Variants in NDUFV1 observed in about 807,000 individuals in gnomAD.
NDUFV1 encodes NADH dehydrogenase [ubiquinone] flavoprotein 1, mitochondrial.
NDUFV1 carries 41 observed loss-of-function variants against 48.7 expected under a neutral mutation model. The observed-to-expected ratio is 0.84, with a 90% confidence interval of 0.66 to 1.09. The LOEUF is 1.09. Among genes scored for constraint, NDUFV1 ranks in the 50% least tolerant of loss-of-function variants. The pLI is 0.00. For missense variants in NDUFV1, 580 were observed against 645.4 expected, an observed-to-expected ratio of 0.90 and a Z score of 1.10; for synonymous variants, 231 against 259.1, an observed-to-expected ratio of 0.89 and a Z score of 1.04.
In NDUFV1 at chr11:67,612,523, T is replaced by C. The variant is rs1481277657; in HGVS notation, c.*65T>C. The C allele has an allele frequency of 2.0e-6, 3 of 1,527,160 alleles. No homozygotes were observed. Among genetic ancestry groups the C allele is most frequent in the Middle Eastern group, 2.3e-4 (1 of 4,338 alleles). 94.6% of individuals were successfully genotyped at this position (1,527,160 alleles called of 1,614,324 possible). On this transcript the variant is annotated 3_prime_UTR_variant, in exon 10 of 10. Coordinates refer to ENST00000322776, the MANE Select transcript of NDUFV1 (RefSeq NM_007103.4). The surrounding 1 kb of genome is among the most constrained non-coding windows in gnomAD (Gnocchi z 4.4). Reference sequence around the variant, plus strand: ...GAATGCTGGACAATAAAGCGAGTGCTGCCCACCCTCCAGCTGCCGCTGCTG... The same window carrying C: ...GAATGCTGGACAATAAAGCGAGTGCCGCCCACCCTCCAGCTGCCGCTGCTG...
intron 5 of NDUFV1, 102 bp downstream of exon 5, chr11:67,610,672 G>T: frequency 6.8e-7 from 1 of 1,478,100 alleles, no homozygotes. Context: ...GTGGCTTCCC[G>T]GCTGGGGCCA....
At position 67,612,339 on chromosome 11, in the gene NDUFV1, C is replaced by T; in HGVS notation, c.1309-33C>T. On this transcript the variant is annotated intron_variant, in intron 9 of 9. Transcript: ENST00000322776. This position sits in a 1 kb window ranked among gnomAD's most constrained non-coding sequence, Gnocchi z 4.4. ...CCCAGGGTGTTGGGGGATTTTTGGA[C>T]TCTGTTTCACATGGTCCCCCCACCG... The T allele has an allele frequency of 6.2e-7, 1 of 1,613,834 alleles. No individual in the cohort carries two copies. Among genetic ancestry groups the T allele is most frequent in the Non-Finnish European group, 8.5e-7 (1 of 1,179,898 alleles).
At chr11:67,608,523 C>T in intron 2 of NDUFV1, 29 bp from the exon 3 acceptor site, 1 of 1,614,172 alleles carries the variant, frequency 6.2e-7, no homozygotes, top group South Asian at 1.1e-5. Context: ...GCAAGGTGTC[C>T]CCTTCATTGC....
At chr11:67,608,215 G>A in intron 1 of NDUFV1, 181 bp from the exon 2 acceptor site, 1 of 601,036 alleles carries the variant, frequency 1.7e-6, no homozygotes. Flanking sequence ...AAAAGAGCAA[G>A]AGTCTGTCTC....
intron 5 of NDUFV1, 50 bp downstream of exon 5, chr11:67,610,620 A>G: frequency 6.2e-7 from 1 of 1,601,946 alleles, no homozygotes; most frequent in Non-Finnish European, 8.5e-7. Flanking sequence ...GACACCCGGG[A>G]TCTGGCTAGG....
At chr11:67,607,973 TC>T (rs1308787381) in intron 1 of NDUFV1, among the ~76,000 whole-genome samples, 1 of 152,198 alleles carries the variant, frequency 6.6e-6, no homozygotes, top group Non-Finnish European at 1.5e-5. Flanking sequence ...ACGCCTGTAA[TC>T]CCAGCACTTT....
intron 1 of NDUFV1, among the ~76,000 whole-genome samples, chr11:67,607,864 C>T (rs75750489): frequency 0.027 from 4,121 of 152,294 alleles, 203 homozygotes; most frequent in African/African-American, 0.094. Flanking sequence ...TCGTTCCTAT[C>T]AGAGTTCTTA....
rs759006354 is a variant in NDUFV1, at chr11:67,608,572, G to A, written c.176G>A (p.Arg59Gln). The A allele has an allele frequency of 2.5e-6, 4 of 1,614,168 alleles. No individual in the cohort carries two copies. The highest frequency in any genetic ancestry group is 1.1e-5 in the South Asian group (1 of 91,084). The part of the protein sequence containing the change: ...HDWRLKGSLS[R>Q]GDWYKTKEIL... ...TCCAGGCTGAAAGGTTCCCTGAGTC[G>A]AGGTGACTGGTACAAGACAAAGGAG... Residue 59 changes from arginine to glutamine, a missense_variant, in exon 3 of 10, where the codon CGA becomes CAA. Transcript: ENST00000322776.
Position 67,609,474 on chromosome 11 carries a change from G to T in NDUFV1, c.349G>T (p.Ala117Ser). ...DGRPKYLVVNADEGEPGTCKD... is the reference protein window; with the variant it reads ...DGRPKYLVVNSDEGEPGTCKD... Reference sequence around the variant, plus strand: ...CAGGCCCAAGTATCTGGTGGTGAACGCAGACGAGGGGGAGCCGGGCACCTG... The same window carrying T: ...CAGGCCCAAGTATCTGGTGGTGAACTCAGACGAGGGGGAGCCGGGCACCTG... Residue 117 changes from alanine to serine, a missense_variant, in exon 4 of 10, where the codon GCA becomes TCA. Coordinates refer to ENST00000322776, the MANE Select transcript of NDUFV1 (RefSeq NM_007103.4). 2 of 1,613,550 alleles carry T rather than the reference G, an allele frequency of 1.2e-6. No homozygotes were observed. Among genetic ancestry groups the T allele is most frequent in the South Asian group, 2.2e-5 (2 of 91,086 alleles).
rs751799055 is a variant in NDUFV1 at position 67,611,444 on chromosome 11, C to G, written c.955C>G (p.Pro319Ala). 4.6e-5 allele frequency: 74 copies of G among 1,614,010 alleles called. No homozygotes were observed. The highest frequency in any genetic ancestry group is 6.1e-5 in the Non-Finnish European group (72 of 1,180,030). ...GGWDNLLAVI[P>A]GGSSTPLIPK... is the part of the protein sequence containing the mutation. The stretch of plus-strand genomic sequence containing the variant: ...CTGGGACAACCTCCTTGCTGTGATC[C>G]CTGGCGGCTCGTCTACCCCACTGAT... Residue 319 changes from proline (P) to alanine (A), a missense_variant, in exon 7 of 10, where the codon CCT becomes GCT. Transcript: ENST00000322776. The surrounding 1 kb of genome is among the most constrained non-coding windows in gnomAD (Gnocchi z 4.2).
chr11:67,609,354 G>A (rs1591109707), intron 3 of NDUFV1, 98 bp from the exon 4 acceptor site: 1 of 1,287,464 alleles, frequency 7.8e-7, no homozygotes, highest in East Asian at 2.3e-5. Flanking sequence ...TGTCAGAGGA[G>A]ACATCTTTGA....
chr11:67,607,141 C>A, intron 1 of NDUFV1, 65 bp downstream of exon 1: 1 of 1,521,436 alleles, frequency 6.6e-7, no homozygotes, highest in Non-Finnish European at 8.9e-7. Context: ...CGCCCGTGCA[C>A]GAGCAGTCCC....
intron 3 of NDUFV1, among the ~76,000 whole-genome samples, 158 bp downstream of exon 3, chr11:67,608,880 T>C (rs189057734): frequency 6.6e-6 from 1 of 152,194 alleles, no homozygotes; most frequent in Non-Finnish European, 1.5e-5. Context: ...TCTGTGGACT[T>C]CCACAGGGGA....
At position 67,610,427 on chromosome 11, in the gene NDUFV1, C is replaced by G; in HGVS notation, c.557C>G (p.Ala186Gly). ...GAGGCAGGTCTGATTGGCAAGAATGCTTGTGGCTCTGGCTATGATTTTGAC... is the reference window on the plus strand; with the variant it reads ...GAGGCAGGTCTGATTGGCAAGAATGGTTGTGGCTCTGGCTATGATTTTGAC... Reference protein sequence around the residue: ...AYEAGLIGKNACGSGYDFDVF... With the variant: ...AYEAGLIGKNGCGSGYDFDVF... The change falls in exon 5 of 10, where the codon GCT (alanine) becomes GGT (glycine). Residue 186 changes from alanine (A) to glycine (G), a missense_variant. By Grantham distance (60) the Ala-to-Gly change is moderately conservative. Transcript: ENST00000322776. The G allele has an allele frequency of 6.2e-7, 1 of 1,614,168 alleles. No individual in the cohort carries two copies. Among genetic ancestry groups the G allele is most frequent in the Non-Finnish European group, 8.5e-7 (1 of 1,180,028 alleles).
At position 67,611,756 on chromosome 11, in the gene NDUFV1, G is replaced by C; in HGVS notation, c.1081-141G>C. On this transcript the variant is annotated intron_variant, in intron 7 of 9. Transcript: ENST00000322776. The surrounding 1 kb of genome is among the most constrained non-coding windows in gnomAD (Gnocchi z 4.2). ...CCCCGGAGTCTGGGCAGCACAGGGGGCCCAGGGAGGCTGGAGGAGGCCAGA... is the reference window on the plus strand; with the variant it reads ...CCCCGGAGTCTGGGCAGCACAGGGGCCCCAGGGAGGCTGGAGGAGGCCAGA... 7.3e-7 allele frequency: 1 copy of C among 1,376,380 alleles called. No homozygotes were observed. The highest frequency in any genetic ancestry group is 1.0e-6 in the Non-Finnish European group (1 of 990,722). The allele number at this position is 1,376,380 out of a possible 1,614,324, so 85.3% of individuals were successfully genotyped here.
At chr11:67,607,167 C>T (rs1381051781) in intron 1 of NDUFV1, 91 bp downstream of exon 1, 6 of 1,377,164 alleles carry the variant, frequency 4.4e-6, no homozygotes, top group Non-Finnish European at 5.0e-6. Flanking sequence ...TCTGTAGTGG[C>T]CTCTGGAGAG....
In NDUFV1 at chr11:67,611,585, C is replaced by T. The variant is rs761998784; in HGVS notation, c.1080+16C>T. Reference sequence around the variant, plus strand: ...GGACCGCTCGGTAAGGGTTCACACACCAGCCCTGGTCCCTGCCCTCCTGGT... The same window carrying T: ...GGACCGCTCGGTAAGGGTTCACACATCAGCCCTGGTCCCTGCCCTCCTGGT... On this transcript the variant is annotated intron_variant, in intron 7 of 9. Coordinates refer to ENST00000322776, the MANE Select transcript of NDUFV1 (RefSeq NM_007103.4). This position sits in a 1 kb window ranked among gnomAD's most constrained non-coding sequence, Gnocchi z 4.2. 1.4e-5 allele frequency: 23 copies of T among 1,594,630 alleles called. No individual in the cohort carries two copies. In the East Asian group the frequency reaches 3.6e-4, roughly 25 times the overall value.
intron 5 of NDUFV1, 66 bp downstream of exon 5, chr11:67,610,636 TTTGGA>T: frequency 6.3e-7 from 1 of 1,578,910 alleles, no homozygotes. Flanking sequence ...CTAGGCTCCC[TTTGGA>T]TTGTTCTTAG....
chr11:67,611,097 A>G lies in NDUFV1; in HGVS notation c.803A>G (p.Glu268Gly). The G allele has an allele frequency of 1.2e-6, 2 of 1,614,230 alleles. No individual in the cohort carries two copies. Among genetic ancestry groups the G allele is most frequent in the Non-Finnish European group, 1.7e-6 (2 of 1,180,036 alleles). The change falls in exon 6 of 10, where the codon GAA (glutamate) becomes GGA (glycine). Residue 268 changes from glutamate to glycine, a missense_variant. Coordinates refer to ENST00000322776, the MANE Select transcript of NDUFV1 (RefSeq NM_007103.4). The surrounding 1 kb of genome is among the most constrained non-coding windows in gnomAD (Gnocchi z 4.2). ...GGTWFAGFGR[E>G]RNSGTKLFNI... is the part of the protein sequence containing the mutation. ...ACCTGGTTTGCTGGCTTTGGCAGAG[A>G]ACGCAACTCAGGCACCAAACTATTC...
Sources: allele counts gnomAD v4.1 joint callset (sites outside exome capture counted in the v4.1 genomes callset), GRCh38; gene constraint gnomAD v4.1.1; non-coding constraint Gnocchi (gnomAD v3.1); transcripts MANE v1.5; gene names NCBI Gene and HGNC (gene_info 2026-07-23, HGNC 2026-07-21).